Variants in CIT observed in about 807,000 individuals in gnomAD.
The protein encoded by CIT is citron rho-interacting serine/threonine kinase.
In CIT, 79 loss-of-function variants were observed where a neutral mutation model predicts 272.7. The ratio of observed to expected loss-of-function variants is 0.29; its 90% confidence interval spans 0.24 to 0.35. The LOEUF (loss-of-function observed/expected upper bound fraction) is 0.35. CIT is among the 10% of genes least tolerant of loss of function. The pLI, the probability that CIT is intolerant of heterozygous loss-of-function variation, is 1.00. For synonymous variants in CIT, 948 were observed against 995.6 expected, an observed-to-expected ratio of 0.95 and a Z score of 0.90; for missense variants, 1,909 against 2,618.3, an observed-to-expected ratio of 0.73 and a Z score of 5.91.
At chr12:119,857,768 A>AC in intron 3 of CIT, 70 bp from the exon 4 acceptor site, 1 of 1,398,134 alleles carries the variant, frequency 7.2e-7, no homozygotes, top group Non-Finnish European at 9.8e-7. Context: ...ATGAAAGAAA[A>AC]AAAAAAAAGA....
chr12:119,831,613 T>C (rs981753432), intron 7 of CIT, among the ~76,000 whole-genome samples: 7 of 152,242 alleles, frequency 4.6e-5, no homozygotes, highest in African/African-American at 1.4e-4. Context: ...CTTATGCCTG[T>C]AATCCCAGCA....
At chr12:119,753,329 G>A (rs890375275) in intron 22 of CIT, among the ~76,000 whole-genome samples, 13 of 152,172 alleles carry the variant, frequency 8.5e-5, no homozygotes, top group African/African-American at 2.2e-4. Flanking sequence ...CCCACATCCC[G>A]AAGCCCATAG....
At chr12:119,774,162 T>C (rs1207169123) in intron 16 of CIT, among the ~76,000 whole-genome samples, 1 of 152,236 alleles carries the variant, frequency 6.6e-6, no homozygotes, top group Non-Finnish European at 1.5e-5. Context: ...ATTTGGTGGT[T>C]ATAGAGTTTC....
In CIT at chr12:119,713,011, T is replaced by C; in HGVS notation, c.4579+192A>G. ...CTTCAGGGCAGCGCCCTGCGGGTTC[T>C]TCAGGGGGGAGACCTATAGATGTGA... On this transcript the variant is annotated intron_variant, in intron 35 of 47. Transcript: ENST00000392521. This position sits in a 1 kb window ranked among gnomAD's most constrained non-coding sequence, Gnocchi z 5.2. The C allele has an allele frequency of 1.6e-6, 1 of 633,160 alleles. No individual in the cohort carries two copies. Among genetic ancestry groups the C allele is most frequent in the East Asian group, 2.6e-5 (1 of 38,090 alleles). The allele number at this position is 633,160 out of a possible 1,614,324, so 39.2% of individuals were successfully genotyped here.
In CIT at chr12:119,770,790, T is replaced by G. The variant is rs1963045781; in HGVS notation, c.2203A>C (p.Ile735Leu). 6.2e-7 allele frequency: 1 copy of G among 1,612,888 alleles called. No homozygotes were observed. The highest frequency in any genetic ancestry group is 8.5e-7 in the Non-Finnish European group (1 of 1,179,880). Residue 735 changes from isoleucine (I) to leucine (L), a missense_variant, in exon 18 of 48, where the codon ATT becomes CTT. By Grantham distance (5) the Ile-to-Leu change is conservative. Coordinates refer to ENST00000392521, the MANE Select transcript of CIT (RefSeq NM_001206999.2). The surrounding 1 kb of genome is among the most constrained non-coding windows in gnomAD (Gnocchi z 4.4). ...SQQIQQMADK[I>L]LELEEKHREA... ...CGACTTTCATTCCTGCTCACCAGAA[T>G]TTTATCAGCCATCTGCTGGATCTGT...
chr12:119,714,151 G>T, intron 33 of CIT, 46 bp downstream of exon 33: 4 of 1,603,634 alleles, frequency 2.5e-6, no homozygotes, highest in Non-Finnish European at 3.4e-6. Context: ...TTTTTAAGCT[G>T]GAGATGCACA....
chr12:119,765,629 C>A (rs1320283376), intron 19 of CIT, among the ~76,000 whole-genome samples: 1 of 151,476 alleles, frequency 6.6e-6, no homozygotes, highest in Non-Finnish European at 1.5e-5. Flanking sequence ...TGCCACCACA[C>A]CCAGCTAATT....
intron 9 of CIT, 198 bp from the exon 10 acceptor site, chr12:119,803,587 G>T (rs576657844): frequency 2.6e-5 from 11 of 431,208 alleles, no homozygotes; most frequent in African/African-American, 8.3e-5. Flanking sequence ...CCACCAACCC[G>T]CAGACAGGCT....
intron 9 of CIT, among the ~76,000 whole-genome samples, chr12:119,816,390 C>T (rs1006460982): frequency 6.6e-6 from 1 of 152,122 alleles, no homozygotes. Context: ...CTAAGCAGTC[C>T]CATTCACCCA....
At chr12:119,720,371 C>A (rs2137135456) in intron 30 of CIT, 107 bp downstream of exon 30, 3 of 752,780 alleles carry the variant, frequency 4.0e-6, no homozygotes, top group Non-Finnish European at 6.5e-6. Flanking sequence ...AAAAAGTATA[C>A]TTTGTTTTCT....
intron 32 of CIT, among the ~76,000 whole-genome samples, chr12:119,714,633 C>T (rs952294546): frequency 2.0e-5 from 3 of 152,150 alleles, no homozygotes; most frequent in Non-Finnish European, 4.4e-5. Context: ...CCCAAGCAGA[C>T]ACCACTTCAC....
chr12:119,858,223 AG>A (rs1763028154), intron 3 of CIT, among the ~76,000 whole-genome samples: 1 of 152,204 alleles, frequency 6.6e-6, no homozygotes, highest in South Asian at 2.1e-4. Flanking sequence ...CAGTGCTTAA[AG>A]GGGCAGAGGG....
chr12:119,710,998 T>G lies in CIT; in HGVS notation c.4855-378A>C. 7.4e-7 allele frequency: 1 copy of G among 1,357,260 alleles called. No homozygotes were observed. Among genetic ancestry groups the G allele is most frequent in the Non-Finnish European group, 9.9e-7 (1 of 1,013,594 alleles). The allele number at this position is 1,357,260 out of a possible 1,614,324, so 84.1% of individuals were successfully genotyped here. On this transcript the variant is annotated intron_variant, in intron 37 of 47. Transcript: ENST00000392521. This position sits in a 1 kb window ranked among gnomAD's most constrained non-coding sequence, Gnocchi z 5.6. ...TTCCCCCATAAGGCTGCAGCAGAAG[T>G]GCAAAGGCGCCGTGTTAGCAGCGAG...
chr12:119,731,488 A>AAG (rs1390906915), intron 26 of CIT, among the ~76,000 whole-genome samples: 1 of 151,722 alleles, frequency 6.6e-6, no homozygotes, highest in Non-Finnish European at 1.5e-5. Flanking sequence ...AAAAAAAAAA[A>AAG]AAAAGAAAAA....
rs34105832 is a variant in CIT at position 119,714,279 on chromosome 12, G to A, written c.4224C>T (p.Asn1408=). Residue 1408 remains asparagine, a synonymous_variant, in exon 33 of 48, where the codon AAC becomes AAT. Transcript: ENST00000392521. ...TTGTGGCTCGCATGTTCAGTCCTAC[G>A]TTGAATCGGTGAGGAATATTGTGGT... The part of the protein sequence containing the change: ...RMHHNIPHRF[N]VGLNMRATKC... The A allele has an allele frequency of 8.3e-3, 13,325 of 1,614,092 alleles. 71 individuals carry two copies. Among genetic ancestry groups the A allele is most frequent in the South Asian group, 0.011 (985 of 91,074 alleles).
intron 24 of CIT, among the ~76,000 whole-genome samples, chr12:119,738,214 G>A (rs948764668): frequency 6.6e-6 from 1 of 152,050 alleles, no homozygotes; most frequent in Non-Finnish European, 1.5e-5. Flanking sequence ...TCTAAAATAG[G>A]GATAGAAGTG....
chr12:119,745,406 C>A (rs1356000853), intron 23 of CIT, among the ~76,000 whole-genome samples: 2 of 22,984 alleles, frequency 8.7e-5, no homozygotes, highest in African/African-American at 2.1e-4. Flanking sequence ...AAACACCTGT[C>A]CACATAGAAT....
rs745678047 is a variant in CIT, at chr12:119,869,065, C to T, written c.233G>A (p.Arg78Gln). ...MKIKHVSNFV[R>Q]KYSDTIAELQ... ...AAAAAGTTCCCCAAACTTACACTTC[C>T]GGACAAAGTTGCTCACGTGCTTAAT... is the stretch of plus-strand genomic sequence containing the variant. The change falls in exon 3 of 48, where the codon CGG (arginine) becomes CAG (glutamine). Residue 78 changes from arginine to glutamine, a missense_variant. Physicochemically the swap from Arg to Gln is conservative, Grantham distance 43. Transcript: ENST00000392521. 9 of 1,609,646 alleles carry T rather than the reference C, an allele frequency of 5.6e-6. No individual in the cohort carries two copies. Among genetic ancestry groups the T allele is most frequent in the South Asian group, 2.2e-5 (2 of 90,062 alleles).
intron 5 of CIT, among the ~76,000 whole-genome samples, chr12:119,849,819 G>A (rs145407424): frequency 4.4e-4 from 67 of 152,094 alleles, no homozygotes; most frequent in African/African-American, 1.5e-3. Context: ...CTGAGTAGCT[G>A]GGACTACAGG....
Sources: gnomAD v4.1 joint callset for allele counts (sites outside exome capture counted in the v4.1 genomes callset) on GRCh38, gnomAD v4.1.1 for gene constraint, Gnocchi (gnomAD v3.1) non-coding constraint, MANE v1.5 for transcripts, NCBI Gene and HGNC (gene_info 2026-07-23, HGNC 2026-07-21) for gene names.